The following SLC35F4 variants were observed in gnomAD, a reference collection of about 807,000 sequenced individuals.
The protein encoded by SLC35F4 is chromosome 14 open reading frame 36.
SLC35F4 carries 24 observed loss-of-function variants against 44.2 expected under a neutral mutation model. The observed-to-expected ratio is 0.54, with a 90% CI of 0.39 to 0.76. SLC35F4 has a LOEUF of 0.76. SLC35F4 is among the 30% of genes least tolerant of loss of function. The probability of loss-of-function intolerance (pLI) is 0.00; values close to 1 mark genes in which losing one functional copy is unlikely to be tolerated. For missense variants in SLC35F4, 562 were observed against 586.1 expected, an observed-to-expected ratio of 0.96 and a Z score of 0.42; for synonymous variants, 238 against 223.6, an observed-to-expected ratio of 1.06 and a Z score of -0.57.
intron 1 of SLC35F4, among the ~76,000 whole-genome samples, chr14:57,708,901 CAGAGAGAG>C (rs370125596): frequency 6.6e-6 from 1 of 151,044 alleles, no homozygotes; most frequent in African/African-American, 2.4e-5. Flanking sequence ...GCAGCTGAGG[CAGAGAGAG>C]AGAGGGAGAG....
At chr14:57,906,156 TAATAC>T (rs2141048251) in intron 1 of SLC35F4, among the ~76,000 whole-genome samples, 1 of 152,274 alleles carries the variant, frequency 6.6e-6, no homozygotes, top group Non-Finnish European at 1.5e-5. Flanking sequence ...ATCACAAAAG[TAATAC>T]AATACATGTG....
intron 1 of SLC35F4, among the ~76,000 whole-genome samples, chr14:57,660,941 G>A (rs1405798469): frequency 6.6e-6 from 1 of 152,056 alleles, no homozygotes; most frequent in African/African-American, 2.4e-5. Context: ...ACATATTTTG[G>A]GATCATTTGT....
intron 7 of SLC35F4, among the ~76,000 whole-genome samples, chr14:57,565,294 G>A (rs1023937896): frequency 6.6e-6 from 1 of 152,122 alleles, no homozygotes; most frequent in Non-Finnish European, 1.5e-5. Context: ...TTTAGCATGA[G>A]CTACCCTTCA....
intron 1 of SLC35F4, among the ~76,000 whole-genome samples, chr14:57,818,371 G>A (rs1219845277): frequency 6.6e-6 from 1 of 152,148 alleles, no homozygotes; most frequent in Admixed American, 6.5e-5. Flanking sequence ...TCTACCAGAG[G>A]ATGCAGTAAG....
intron 1 of SLC35F4, among the ~76,000 whole-genome samples, chr14:57,844,663 G>A (rs566146574): frequency 3.3e-5 from 5 of 152,248 alleles, no homozygotes; most frequent in South Asian, 4.2e-4. Context: ...CTAGATGCAG[G>A]AAATAGAGAA....
At position 57,596,679 on chromosome 14, in the gene SLC35F4, A is replaced by G. The variant is rs527800803; in HGVS notation, c.104-2555T>C. 7 of 788,952 alleles carry G rather than the reference A, an allele frequency of 8.9e-6. No individual in the cohort carries two copies. The East Asian group carries it at 3.1e-4, about 35-fold the overall frequency. 48.9% of individuals were successfully genotyped at this position (788,952 alleles called of 1,614,324 possible). On this transcript the variant is annotated intron_variant, in intron 1 of 7. Transcript: ENST00000556826. ...ATGGGATTGAGATCAAATATTGTCC[A>G]TAGTTACCTAAAAAGTTGGTAACTT... is the stretch of plus-strand genomic sequence containing the variant.
chr14:57,771,116 T>A (rs1470838713), intron 1 of SLC35F4, among the ~76,000 whole-genome samples: 1 of 152,164 alleles, frequency 6.6e-6, no homozygotes, highest in Non-Finnish European at 1.5e-5. Flanking sequence ...TTGGAGAGTA[T>A]AATTTCACCT....
At chr14:57,874,182 G>A (rs1373268602) in intron 1 of SLC35F4, among the ~76,000 whole-genome samples, 1 of 152,034 alleles carries the variant, frequency 6.6e-6, no homozygotes, top group African/African-American at 2.4e-5. Context: ...GTTTCAAAAG[G>A]ATTTTCTTCT....
intron 1 of SLC35F4, among the ~76,000 whole-genome samples, chr14:57,789,871 A>G (rs1341751054): frequency 6.6e-6 from 1 of 152,234 alleles, no homozygotes; most frequent in Non-Finnish European, 1.5e-5. Context: ...AATGCATCAC[A>G]TAAACAGAAC....
chr14:57,618,638 CAGG>C (rs1306816662), intron 1 of SLC35F4, among the ~76,000 whole-genome samples: 1 of 152,200 alleles, frequency 6.6e-6, no homozygotes, highest in Admixed American at 6.5e-5. Context: ...AAGTTAGCTG[CAGG>C]AGTTTTTTAT....
intron 1 of SLC35F4, among the ~76,000 whole-genome samples, chr14:57,622,008 G>A (rs1189107368): frequency 8.6e-5 from 13 of 151,042 alleles, no homozygotes; most frequent in Admixed American, 1.3e-4. Flanking sequence ...GTGGGCGAAC[G>A]ACATGAACAG....
chr14:57,571,621 C>T (rs1255857767), intron 5 of SLC35F4, among the ~76,000 whole-genome samples: 1 of 152,150 alleles, frequency 6.6e-6, no homozygotes, highest in Non-Finnish European at 1.5e-5. Flanking sequence ...CACTATTTGG[C>T]TCTATGATTT....
chr14:57,865,886 G>C lies in SLC35F4; in HGVS notation c.-61C>G. On this transcript the variant is annotated 5_prime_UTR_variant, in exon 1 of 8. Transcript: ENST00000556826. Reference sequence around the variant, plus strand: ...GCGGAGAGCGCAGCGCGGGGCCCGGGAGCTGGTGCAGGTGCCGGAGCCGCT... The same window carrying C: ...GCGGAGAGCGCAGCGCGGGGCCCGGCAGCTGGTGCAGGTGCCGGAGCCGCT... 2 of 1,266,910 alleles carry C rather than the reference G, an allele frequency of 1.6e-6. No homozygotes were observed. The highest frequency in any genetic ancestry group is 2.1e-6 in the Non-Finnish European group (2 of 941,644). The allele number at this position is 1,266,910 out of a possible 1,614,324, so 78.5% of individuals were successfully genotyped here.
At chr14:57,855,699 A>T (rs1566907733) in intron 1 of SLC35F4, among the ~76,000 whole-genome samples, 1 of 152,244 alleles carries the variant, frequency 6.6e-6, no homozygotes, top group Non-Finnish European at 1.5e-5. Context: ...GTATATACCC[A>T]AAAGATTATA....
chr14:57,618,577 C>A (rs2071993367), intron 1 of SLC35F4, among the ~76,000 whole-genome samples: 1 of 152,212 alleles, frequency 6.6e-6, no homozygotes. Context: ...CCTACACCAC[C>A]AGGGCCCTGG....
intron 1 of SLC35F4, among the ~76,000 whole-genome samples, chr14:57,828,341 T>C (rs949108322): frequency 3.3e-5 from 5 of 152,080 alleles, no homozygotes; most frequent in Non-Finnish European, 7.4e-5. Context: ...GAAAAAGCTA[T>C]GAGCATAGTC....
chr14:57,607,889 A>G (rs2071258329), intron 1 of SLC35F4, among the ~76,000 whole-genome samples: 1 of 152,216 alleles, frequency 6.6e-6, no homozygotes, highest in Non-Finnish European at 1.5e-5. Context: ...TAAATAATTG[A>G]ACATGGGTGT....
intron 1 of SLC35F4, among the ~76,000 whole-genome samples, chr14:57,853,114 G>T (rs1487213550): frequency 6.6e-6 from 1 of 152,148 alleles, no homozygotes; most frequent in East Asian, 1.9e-4. Context: ...CCTAGAAAAA[G>T]AAATACGTTT....
chr14:57,593,491 C>G (rs1368101143), intron 2 of SLC35F4, among the ~76,000 whole-genome samples: 1 of 152,116 alleles, frequency 6.6e-6, no homozygotes, highest in Non-Finnish European at 1.5e-5. Context: ...AAGTATGAAA[C>G]TGGGAATACT....
Sources: allele counts gnomAD v4.1 joint callset (sites outside exome capture counted in the v4.1 genomes callset), GRCh38; gene constraint gnomAD v4.1.1; transcripts MANE v1.5; gene names NCBI Gene and HGNC (gene_info 2026-07-23, HGNC 2026-07-21).